The following SORBS2 variants were observed in gnomAD, a reference collection of about 807,000 sequenced individuals.
SORBS2 encodes the protein sorbin and SH3 domain-containing protein 2.
In SORBS2, 46 loss-of-function variants were observed where a neutral mutation model predicts 97.7. That is an observed-to-expected ratio of 0.47 (90% CI 0.37 to 0.60). SORBS2 has a LOEUF of 0.60. Ranked by LOEUF, SORBS2 falls within the 20% of genes least tolerant of loss-of-function variation. The probability of loss-of-function intolerance (pLI) is 0.00; values close to 1 mark genes in which losing one functional copy is unlikely to be tolerated. For missense variants in SORBS2, 1,316 were observed against 1,282.3 expected (o/e 1.03, Z -0.40); for synonymous variants, 476 against 473.4 (o/e 1.01, Z -0.07).
chr4:185,816,774 ATGAAT>A (rs2099193483), intron 1 of SORBS2, among the ~76,000 whole-genome samples: 1 of 152,248 alleles, frequency 6.6e-6, no homozygotes, highest in Admixed American at 6.5e-5. Context: ...CACTTATCAA[ATGAAT>A]TTAAAATGAG....
At chr4:185,854,066 T>C (rs989626718) in intron 1 of SORBS2, among the ~76,000 whole-genome samples, 3 of 152,128 alleles carry the variant, frequency 2.0e-5, no homozygotes, top group African/African-American at 7.2e-5. Flanking sequence ...CAAGCGTTTC[T>C]TTAAAGAATG....
intron 4 of SORBS2, among the ~76,000 whole-genome samples, chr4:185,671,803 T>C (rs1232563704): frequency 6.6e-6 from 1 of 152,170 alleles, no homozygotes; most frequent in East Asian, 1.9e-4. Context: ...AATAATTCGA[T>C]CTCAGAAATG....
intron 14 of SORBS2, among the ~76,000 whole-genome samples, chr4:185,588,346 T>C (rs1429092272): frequency 6.6e-6 from 1 of 152,212 alleles, no homozygotes; most frequent in East Asian, 1.9e-4. Context: ...ACATGGTGTG[T>C]GTTTAACCAC....
In SORBS2 at chr4:185,728,272, C is replaced by T. The variant is rs1199736059; in HGVS notation, c.-198+46955G>A. Reference sequence around the variant, plus strand: ...CTGACCAGGACTCCATGCTTTCAAGCTCTGGTTCTACCGTCTGTTACTTAG... The same window carrying T: ...CTGACCAGGACTCCATGCTTTCAAGTTCTGGTTCTACCGTCTGTTACTTAG... On this transcript the variant is annotated intron_variant, in intron 2 of 20. Transcript: ENST00000284776. Among the ~76,000 whole-genome samples the T allele has an allele frequency of 3.3e-5, 5 of 152,030 alleles. No homozygotes were observed. In the East Asian group the frequency reaches 9.6e-4, roughly 29 times the overall value.
intron 1 of SORBS2, among the ~76,000 whole-genome samples, chr4:185,876,347 A>C (rs2099233657): frequency 6.6e-6 from 1 of 152,178 alleles, no homozygotes; most frequent in South Asian, 2.1e-4. Context: ...ACCTTAGGTG[A>C]TCCACCTGCC....
chr4:185,946,935 C>T (rs909950150), intron 1 of SORBS2, among the ~76,000 whole-genome samples: 1 of 152,220 alleles, frequency 6.6e-6, no homozygotes, highest in Non-Finnish European at 1.5e-5. Flanking sequence ...GGTCATACAA[C>T]CAAACCTCTC....
chr4:185,660,513 G>A (rs1043839540), upstream of SORBS2, among the ~76,000 whole-genome samples: 4 of 152,174 alleles, frequency 2.6e-5, no homozygotes, highest in African/African-American at 9.7e-5. Context: ...TAGCATCAGC[G>A]AAGGCACAGA....
chr4:185,672,745 G>A (rs1157387736), intron 4 of SORBS2, among the ~76,000 whole-genome samples: 1 of 152,128 alleles, frequency 6.6e-6, no homozygotes, highest in Non-Finnish European at 1.5e-5. Flanking sequence ...TACTTTTATC[G>A]CTTGGACCTG....
intron 1 of SORBS2, among the ~76,000 whole-genome samples, chr4:185,932,163 G>T (rs552551985): frequency 2.0e-5 from 3 of 151,840 alleles, no homozygotes; most frequent in Non-Finnish European, 4.4e-5. Context: ...AGATCATGAG[G>T]AAATGAGCTG....
chr4:185,943,938 C>A (rs2099273320), intron 1 of SORBS2, among the ~76,000 whole-genome samples: 2 of 152,122 alleles, frequency 1.3e-5, no homozygotes, highest in South Asian at 4.2e-4. Flanking sequence ...ATAATTAAAT[C>A]CAGCTAGTGG....
chr4:185,946,649 G>A (rs959584), intron 1 of SORBS2, among the ~76,000 whole-genome samples: 128,737 of 152,198 alleles, frequency 0.85, 54,966 homozygotes, highest in East Asian at 0.94. Context: ...CATCCACCCT[G>A]CTTCTCCTCT....
At chr4:185,598,259 C>A (rs1415708677) in intron 12 of SORBS2, among the ~76,000 whole-genome samples, 1 of 152,126 alleles carries the variant, frequency 6.6e-6, no homozygotes, top group Non-Finnish European at 1.5e-5. Flanking sequence ...AAGCATGCTG[C>A]GGTTTTCATC....
At position 185,620,059 on chromosome 4, in the gene SORBS2, C is replaced by A; in HGVS notation, c.2304+4G>T. 6.3e-7 allele frequency: 1 copy of A among 1,574,952 alleles called. No individual in the cohort carries two copies. The highest frequency in any genetic ancestry group is 8.7e-7 in the Non-Finnish European group (1 of 1,144,216). ...AAAGACTCCAATGCTATTAAATTAA[C>A]TACCTCTTTTTCTGGAGTTCCTCTT... On this transcript the variant is annotated splice_donor_region_variant and intron_variant, in intron 8 of 14. Transcript: ENST00000418609.
At chr4:185,655,046 C>G (rs2097374920) in intron 1 of SORBS2, among the ~76,000 whole-genome samples, 1 of 152,206 alleles carries the variant, frequency 6.6e-6, no homozygotes, top group Non-Finnish European at 1.5e-5. Flanking sequence ...TTTCACTTAA[C>G]TAGCTGGCCT....
At chr4:185,603,582 G>A (rs1020870896) in intron 12 of SORBS2, among the ~76,000 whole-genome samples, 1 of 152,112 alleles carries the variant, frequency 6.6e-6, no homozygotes, top group Non-Finnish European at 1.5e-5. Context: ...TTACTTATGT[G>A]CAGAGGCTCT....
At chr4:185,656,823 A>G in exon 1 of SORBS2, 1 of 1,387,150 alleles carries the variant, frequency 7.2e-7, no homozygotes, top group Non-Finnish European at 9.3e-7. Flanking sequence ...AAAAAATCCA[A>G]ACACTTTCAC....
At chr4:185,618,673 AATTTT>A (rs1561444591) in intron 8 of SORBS2, 42 bp from the exon 21 acceptor site, 2 of 1,361,404 alleles carry the variant, frequency 1.5e-6, no homozygotes, top group South Asian at 3.1e-5. Context: ...TTAAAATTTG[AATTTT>A]CTACAAGAAA....
At chr4:185,845,134 C>T (rs550128417) in intron 1 of SORBS2, among the ~76,000 whole-genome samples, 2 of 151,906 alleles carry the variant, frequency 1.3e-5, no homozygotes, top group East Asian at 1.9e-4. Context: ...CACCTCAGCC[C>T]CCCTAGTACC....
At chr4:185,833,034 A>G (rs1319977477) in intron 1 of SORBS2, among the ~76,000 whole-genome samples, 1 of 152,226 alleles carries the variant, frequency 6.6e-6, no homozygotes, top group African/African-American at 2.4e-5. Flanking sequence ...TAGCTGTTAC[A>G]GAGTATTAAA....
Sources: allele counts gnomAD v4.1 joint callset (sites outside exome capture counted in the v4.1 genomes callset), GRCh38; gene constraint gnomAD v4.1.1; transcripts MANE v1.5; gene names NCBI Gene and HGNC (gene_info 2026-07-23, HGNC 2026-07-21).